The following ASIC2 variants were observed in gnomAD, a reference collection of about 807,000 sequenced individuals.
ASIC2 encodes the protein acid sensing ion channel subunit 2.
Under a neutral mutation model 57.3 loss-of-function variants are expected in ASIC2, and 25 were observed. That is an observed-to-expected ratio of 0.44 (90% CI 0.32 to 0.61). The LOEUF is 0.61. ASIC2 is among the 20% of genes least tolerant of loss of function. The pLI, the probability that ASIC2 is intolerant of heterozygous loss-of-function variation, is 0.06. For synonymous variants in ASIC2, 319 were observed against 307.5 expected, an observed-to-expected ratio of 1.04 and a Z score of -0.39; for missense variants, 641 against 738.1, an observed-to-expected ratio of 0.87 and a Z score of 1.52.
intron 1 of ASIC2, among the ~76,000 whole-genome samples, chr17:33,678,823 T>TTCTC (rs1019420035): frequency 1.3e-5 from 2 of 152,072 alleles, no homozygotes; most frequent in African/African-American, 4.8e-5. Flanking sequence ...TCCCAGGGGC[T>TTCTC]TCTCTTAGCT....
intron 1 of ASIC2, among the ~76,000 whole-genome samples, chr17:33,326,408 A>G (rs1023942807): frequency 6.6e-6 from 1 of 152,248 alleles, no homozygotes; most frequent in African/African-American, 2.4e-5. Flanking sequence ...GGAGTCAGAT[A>G]AAATGCTTGA....
intron 3 of ASIC2, among the ~76,000 whole-genome samples, chr17:33,066,337 G>A (rs1276099998): frequency 6.6e-6 from 1 of 152,146 alleles, no homozygotes; most frequent in Non-Finnish European, 1.5e-5. Flanking sequence ...CGTGCATGGT[G>A]TGTGGATTCT....
At chr17:33,999,838 T>G (rs546627282) in intron 1 of ASIC2, among the ~76,000 whole-genome samples, 1 of 152,274 alleles carries the variant, frequency 6.6e-6, no homozygotes, top group East Asian at 1.9e-4. Context: ...TAGCTATATT[T>G]TTACCTTTAC....
At chr17:33,187,590 T>C (rs546185463) in intron 1 of ASIC2, among the ~76,000 whole-genome samples, 2 of 152,240 alleles carry the variant, frequency 1.3e-5, no homozygotes, top group African/African-American at 4.8e-5. Context: ...TAATAGAATG[T>C]ATGGGCCACA....
intron 1 of ASIC2, among the ~76,000 whole-genome samples, chr17:33,672,555 G>A (rs940318783): frequency 8.5e-5 from 13 of 152,184 alleles, no homozygotes; most frequent in African/African-American, 3.1e-4. Context: ...TGTGGCTAAA[G>A]ATGGGCATGG....
At chr17:33,215,844 C>CAT (rs1907460782) in intron 1 of ASIC2, among the ~76,000 whole-genome samples, 1 of 152,046 alleles carries the variant, frequency 6.6e-6, no homozygotes, top group Non-Finnish European at 1.5e-5. Flanking sequence ...GGACTACAGG[C>CAT]GCCCGCCACC....
chr17:33,366,271 T>C (rs757446620), intron 1 of ASIC2, among the ~76,000 whole-genome samples: 1 of 152,272 alleles, frequency 6.6e-6, no homozygotes, highest in African/African-American at 2.4e-5. Context: ...TTTATGGTTG[T>C]ATAATTCTGG....
chr17:33,935,987 C>G (rs1051199981), intron 1 of ASIC2: 1 of 152,210 alleles, frequency 6.6e-6, no homozygotes, highest in African/African-American at 2.4e-5. Context: ...CTGTGTGATA[C>G]TGGGCAGGTG....
At chr17:33,300,955 A>G (rs1905933117) in intron 1 of ASIC2, among the ~76,000 whole-genome samples, 1 of 152,168 alleles carries the variant, frequency 6.6e-6, no homozygotes, top group Non-Finnish European at 1.5e-5. Context: ...TTGATTGAGC[A>G]TTATCTGTAA....
chr17:33,221,556 C>T (rs1032130628), intron 1 of ASIC2, among the ~76,000 whole-genome samples: 4 of 151,972 alleles, frequency 2.6e-5, no homozygotes, highest in Non-Finnish European at 4.4e-5. Flanking sequence ...CTGGCACTGA[C>T]AAGAAAAACA....
At chr17:33,038,182 G>A (rs1400178064) in intron 3 of ASIC2, among the ~76,000 whole-genome samples, 1 of 152,146 alleles carries the variant, frequency 6.6e-6, no homozygotes, top group African/African-American at 2.4e-5. Flanking sequence ...GTGCCCAGAT[G>A]CTAGTAGGTA....
intron 1 of ASIC2, among the ~76,000 whole-genome samples, chr17:33,502,778 C>T (rs1031502008): frequency 7.2e-5 from 11 of 152,146 alleles, no homozygotes; most frequent in Admixed American, 5.2e-4. Context: ...TCTTGATTTC[C>T]TTCGATAACT....
rs372293711 is a variant in ASIC2 at position 33,681,740 on chromosome 17, C to T, written c.555+474238G>A. Among the ~76,000 whole-genome samples the T allele has an allele frequency of 4.6e-5, 7 of 152,304 alleles. No individual in the cohort carries two copies. The East Asian group carries it at 1.4e-3, about 29-fold the overall frequency. On this transcript the variant is annotated intron_variant, in intron 1 of 9. Coordinates refer to the ASIC2 transcript ENST00000359872. ...GCCAGGTTCAGAACCCAAAGCCTCT[C>T]CTCTGTGTTATTCTGGTGTCGTGCA...
chr17:33,863,910 T>TG (rs199572329), intron 1 of ASIC2, among the ~76,000 whole-genome samples: 2 of 78,594 alleles, frequency 2.5e-5, no homozygotes, highest in Non-Finnish European at 6.1e-5. Flanking sequence ...GTTTTTTTTT[T>TG]TTTTGTTTTT....
Position 33,198,289 on chromosome 17 carries a change from C to T in ASIC2, c.709-86222G>A, listed in dbSNP as rs953934172. On this transcript the variant is annotated intron_variant, in intron 1 of 9. Coordinates refer to ENST00000225823, the MANE Select transcript of ASIC2 (RefSeq NM_183377.2). The stretch of plus-strand genomic sequence containing the variant: ...ATCCCTTGAACTCGGGAGGTCCAGA[C>T]TGCAGGGAGCCATGTTTGCACCACT... Among the ~76,000 whole-genome samples the T allele has an allele frequency of 2.6e-5, 4 of 152,324 alleles. No individual in the cohort carries two copies. The South Asian group carries it at 8.3e-4, about 32-fold the overall frequency.
At chr17:33,086,058 A>G (rs1470094920) in intron 3 of ASIC2, among the ~76,000 whole-genome samples, 2 of 152,208 alleles carry the variant, frequency 1.3e-5, no homozygotes, top group Non-Finnish European at 2.9e-5. Flanking sequence ...TACTCACCAT[A>G]GGGAGTCCTT....
intron 1 of ASIC2, among the ~76,000 whole-genome samples, chr17:34,034,129 C>A (rs981138651): frequency 6.6e-6 from 1 of 152,098 alleles, no homozygotes; most frequent in South Asian, 2.1e-4. Context: ...ACTGGCAAAC[C>A]GAATCCAGCA....
Position 33,146,149 on chromosome 17 carries a change from C to G in ASIC2, c.709-34082G>C, listed in dbSNP as rs540673943. Among the ~76,000 whole-genome samples the G allele has an allele frequency of 2.0e-5, 3 of 152,288 alleles. No individual in the cohort carries two copies. In the East Asian group the frequency reaches 5.8e-4, roughly 29 times the overall value. Reference sequence around the variant, plus strand: ...GAGATGAGAACAGGAAGCTCAACTTCCCGCCTCCTCAGAGTCAATGACGAA... The same window carrying G: ...GAGATGAGAACAGGAAGCTCAACTTGCCGCCTCCTCAGAGTCAATGACGAA... On this transcript the variant is annotated intron_variant, in intron 1 of 9. Coordinates refer to ENST00000225823, the MANE Select transcript of ASIC2 (RefSeq NM_183377.2).
rs903819560 is a variant in ASIC2, at chr17:33,293,234, C to CGCG, written c.-1122_-1120dup. Among the ~76,000 whole-genome samples, 3 of 152,030 alleles carry CGCG rather than the reference C, an allele frequency of 2.0e-5. No homozygotes were observed. The highest frequency in any genetic ancestry group is 7.2e-5 in the African/African-American group (3 of 41,430). On this transcript the variant is annotated 5_prime_UTR_variant, in exon 1 of 10. Transcript: ENST00000225823. ...CCCAGGCGAACTTGGGCAGCGGCCG[C>CGCG]GCGACGCTGGCGCGGCTGGGCTCCG...
Sources: gnomAD v4.1 joint callset for allele counts (sites outside exome capture counted in the v4.1 genomes callset) on GRCh38, gnomAD v4.1.1 for gene constraint, MANE v1.5 for transcripts, NCBI Gene and HGNC (gene_info 2026-07-23, HGNC 2026-07-21) for gene names.